The following ZNF385A variants were observed in gnomAD, a reference collection of about 807,000 sequenced individuals.
ZNF385A encodes zinc finger protein 385A.
ZNF385A carries 14 observed loss-of-function variants against 32.1 expected under a neutral mutation model. The ratio of observed to expected loss-of-function variants is 0.44; its 90% CI spans 0.29 to 0.68. ZNF385A has a LOEUF of 0.68. Ranked by LOEUF, ZNF385A falls within the 30% of genes least tolerant of loss-of-function variation. ZNF385A has a pLI of 0.14. For missense variants in ZNF385A, 406 were observed against 478.4 expected (o/e 0.85, Z 1.41); for synonymous variants, 197 against 202.7 (o/e 0.97, Z 0.24).
At chr12:54,389,786 C>A (rs966184601) in intron 1 of ZNF385A, among the ~76,000 whole-genome samples, 1 of 152,076 alleles carries the variant, frequency 6.6e-6, no homozygotes, top group African/African-American at 2.4e-5. Context: ...GTCACTCTAG[C>A]ATCAGGGTGG....
intron 1 of ZNF385A, 24 bp downstream of exon 1, chr12:54,384,404 G>T: frequency 6.4e-7 from 1 of 1,562,470 alleles, no homozygotes; most frequent in South Asian, 1.2e-5. Flanking sequence ...AGAGGATGGA[G>T]AAGGCAGGCA....
intron 1 of ZNF385A, among the ~76,000 whole-genome samples, chr12:54,379,766 T>A (rs1002543436): frequency 8.5e-5 from 13 of 152,182 alleles, no homozygotes; most frequent in Non-Finnish European, 1.9e-4. Flanking sequence ...CCTAACTTCT[T>A]CCCACCTCCT....
At chr12:54,373,423 G>A (rs925876563) in intron 3 of ZNF385A, among the ~76,000 whole-genome samples, 4 of 151,130 alleles carry the variant, frequency 2.6e-5, no homozygotes, top group Non-Finnish European at 5.9e-5. Flanking sequence ...TGAGGGAAAA[G>A]GAATCTTGTA....
Position 54,370,073 on chromosome 12 carries a change from C to T in ZNF385A, c.*183G>A. ...GGGTTCCCTGAGATCTGGGGTGTTC[C>T]CCCCCTTCTGAAGCCCCCCTCCCCC... On this transcript the variant is annotated 3_prime_UTR_variant, in exon 7 of 7. Coordinates refer to ENST00000394313, the MANE Select transcript of ZNF385A (RefSeq NM_015481.3). This position sits in a 1 kb window ranked among gnomAD's most constrained non-coding sequence, Gnocchi z 5.5. 1 of 487,266 alleles carries T rather than the reference C, an allele frequency of 2.1e-6. No individual in the cohort carries two copies. Among genetic ancestry groups the T allele is most frequent in the South Asian group, 4.9e-5 (1 of 20,224 alleles). 30.2% of individuals were successfully genotyped at this position (487,266 alleles called of 1,614,324 possible). A position where few individuals can be genotyped will look rare whatever the true frequency, so the allele number is the denominator to read the frequency against.
At chr12:54,381,718 TA>T (rs1955191317) in intron 1 of ZNF385A, among the ~76,000 whole-genome samples, 2 of 152,240 alleles carry the variant, frequency 1.3e-5, no homozygotes, top group Admixed American at 6.5e-5. Flanking sequence ...GAATGTTCTC[TA>T]AGACTACTTT....
upstream of ZNF385A, chr12:54,385,360 C>T (rs1220607282): frequency 6.6e-6 from 1 of 152,402 alleles, no homozygotes; most frequent in Admixed American, 6.5e-5. Flanking sequence ...CTACCCTTCT[C>T]TGAAACCTTC....
chr12:54,385,511 G>A (rs990741461), upstream of ZNF385A, among the ~76,000 whole-genome samples: 10 of 152,092 alleles, frequency 6.6e-5, no homozygotes, highest in Non-Finnish European at 1.5e-4. Flanking sequence ...AGTTCTGGCC[G>A]CCCTTCACTG....
At chr12:54,389,488 G>A (rs1039376356), upstream of ZNF385A, among the ~76,000 whole-genome samples, 1 of 152,210 alleles carries the variant, frequency 6.6e-6, no homozygotes, top group Non-Finnish European at 1.5e-5. Flanking sequence ...TGTCCTCCAG[G>A]GGGATGTGAG....
intron 1 of ZNF385A, 82 bp downstream of exon 1, chr12:54,384,345 AC>A: frequency 1.4e-6 from 2 of 1,433,802 alleles, no homozygotes; most frequent in Non-Finnish European, 1.8e-6. Context: ...GGAATTAGAA[AC>A]AGAAGAAGAG....
chr12:54,372,004 G>C (rs2137168218), intron 3 of ZNF385A, among the ~76,000 whole-genome samples: 1 of 152,320 alleles, frequency 6.6e-6, no homozygotes, highest in South Asian at 2.1e-4. Flanking sequence ...CCAGCCAGGG[G>C]GAGAGGCATG....
At chr12:54,371,944 A>C (rs1262083699) in intron 3 of ZNF385A, among the ~76,000 whole-genome samples, 1 of 152,210 alleles carries the variant, frequency 6.6e-6, no homozygotes, top group African/African-American at 2.4e-5. Flanking sequence ...GGGAATGGCC[A>C]AGGGGTCCAG....
At chr12:54,377,960 C>T (rs1254237873) in intron 1 of ZNF385A, among the ~76,000 whole-genome samples, 2 of 152,256 alleles carry the variant, frequency 1.3e-5, no homozygotes, top group South Asian at 2.1e-4. Flanking sequence ...CACAGTACCC[C>T]GAGGATGACT....
chr12:54,370,148 A>T lies in ZNF385A; in HGVS notation c.*108T>A. On this transcript the variant is annotated 3_prime_UTR_variant, in exon 7 of 7. Coordinates refer to ENST00000394313, the MANE Select transcript of ZNF385A (RefSeq NM_015481.3). The surrounding 1 kb of genome is among the most constrained non-coding windows in gnomAD (Gnocchi z 5.5). ...CCCGTATCTCGGGGTGGGGGGGGGG[A>T]AGGAGAGATCATTTAGGGAGTGCCG... The T allele has an allele frequency of 1.5e-6, 1 of 653,178 alleles. No homozygotes were observed. The highest frequency in any genetic ancestry group is 4.6e-5 in the South Asian group (1 of 21,868). 40.5% of individuals were successfully genotyped at this position (653,178 alleles called of 1,614,324 possible). A position where few individuals can be genotyped will look rare whatever the true frequency, so the allele number is the denominator to read the frequency against.
At chr12:54,389,504 C>A (rs930614546), upstream of ZNF385A, among the ~76,000 whole-genome samples, 2 of 152,182 alleles carry the variant, frequency 1.3e-5, no homozygotes, top group African/African-American at 4.8e-5. Context: ...GTGAGGGTAC[C>A]ACTTGTGGCT....
intron 1 of ZNF385A, among the ~76,000 whole-genome samples, chr12:54,389,841 C>G (rs1206801143): frequency 1.3e-5 from 2 of 151,992 alleles, no homozygotes; most frequent in Non-Finnish European, 2.9e-5. Flanking sequence ...TGGAGAGGCT[C>G]TTGAGAAGGA....
At chr12:54,384,340 T>C (rs2137289628) in intron 1 of ZNF385A, 88 bp downstream of exon 1, 2 of 1,418,108 alleles carry the variant, frequency 1.4e-6, no homozygotes, top group Admixed American at 2.9e-5. Context: ...GATAAGGAAT[T>C]AGAAACAGAA....
chr12:54,386,173 GACACACACAC>G (rs57780822), upstream of ZNF385A, among the ~76,000 whole-genome samples: 65 of 138,120 alleles, frequency 4.7e-4, no homozygotes, highest in East Asian at 5.9e-3. Flanking sequence ...GTGGAGAGAG[GACACACACAC>G]ACACACACAC....
chr12:54,390,560 C>A (rs1004144710), intron 1 of ZNF385A, among the ~76,000 whole-genome samples: 1 of 152,070 alleles, frequency 6.6e-6, no homozygotes, highest in African/African-American at 2.4e-5. Flanking sequence ...GGGCAGGTCT[C>A]GGCGTGTTGG....
In ZNF385A at chr12:54,373,119, G is replaced by A. The variant is rs1471882518; in HGVS notation, c.361+854C>T. ...CTCACTCTGACTGTGCATCCCTGAGGGGGTTCTGTGTGTGTGTGTGTGTGT... is the reference window on the plus strand; with the variant it reads ...CTCACTCTGACTGTGCATCCCTGAGAGGGTTCTGTGTGTGTGTGTGTGTGT... On this transcript the variant is annotated intron_variant, in intron 3 of 6. Transcript: ENST00000394313. 9 of 153,986 alleles carry A rather than the reference G, an allele frequency of 5.8e-5. No individual in the cohort carries two copies. In the Admixed American group the frequency reaches 6.8e-4, roughly 12 times the overall value. The allele number at this position is 153,986 out of a possible 1,614,324, so 9.5% of individuals were successfully genotyped here.
Sources: allele counts gnomAD v4.1 joint callset (sites outside exome capture counted in the v4.1 genomes callset), GRCh38; gene constraint gnomAD v4.1.1; non-coding constraint Gnocchi (gnomAD v3.1); transcripts MANE v1.5; gene names NCBI Gene and HGNC (gene_info 2026-07-23, HGNC 2026-07-21).